CPED1: variants seen among roughly 807,000 people sequenced by gnomAD.
The protein encoded by CPED1 is cadherin-like and PC-esterase domain-containing protein 1.
CPED1 carries 114 observed loss-of-function variants against 128.2 expected under a neutral mutation model. That is an observed-to-expected ratio of 0.89 (90% CI 0.76 to 1.04). The LOEUF is 1.04. CPED1 is among the 50% of genes least tolerant of loss of function. The pLI, the probability that CPED1 is intolerant of heterozygous loss-of-function variation, is 0.00. For missense variants in CPED1, 1,211 were observed against 1,207.1 expected (o/e 1.00, Z -0.05); for synonymous variants, 462 against 426.7 (o/e 1.08, Z -1.02).
intron 18 of CPED1, among the ~76,000 whole-genome samples, chr7:121,247,039 A>G (rs1798556286): frequency 6.6e-6 from 1 of 152,230 alleles, no homozygotes; most frequent in South Asian, 2.1e-4. Flanking sequence ...TCCATTTTTA[A>G]CAGAGAAGTG....
intron 4 of CPED1, among the ~76,000 whole-genome samples, chr7:121,059,983 GCGGGAACC>G (rs1409040105): frequency 1.3e-5 from 2 of 152,216 alleles, no homozygotes; most frequent in Non-Finnish European, 2.9e-5. Flanking sequence ...AGAGGCGCGA[GCGGGAACC>G]CGGGCTGCGC....
intron 2 of CPED1, among the ~76,000 whole-genome samples, chr7:121,014,375 A>T (rs1792243370): frequency 6.6e-6 from 1 of 152,060 alleles, no homozygotes; most frequent in Admixed American, 6.6e-5. Flanking sequence ...ACAAGGTGAA[A>T]CCCCATCTCT....
intron 7 of CPED1, among the ~76,000 whole-genome samples, chr7:121,113,159 C>A (rs1186255839): frequency 5.3e-5 from 8 of 152,106 alleles, no homozygotes; most frequent in African/African-American, 1.9e-4. Flanking sequence ...CAAAACAACT[C>A]AAGGAAAAGC....
At chr7:121,067,447 CA>C (rs1177123795) in intron 5 of CPED1, among the ~76,000 whole-genome samples, 1 of 152,132 alleles carries the variant, frequency 6.6e-6, no homozygotes, top group African/African-American at 2.4e-5. Context: ...ATGAATTCAT[CA>C]TTTTTTATGG....
intron 16 of CPED1, among the ~76,000 whole-genome samples, chr7:121,154,444 T>C (rs1373763831): frequency 3.3e-5 from 5 of 152,176 alleles, no homozygotes; most frequent in Admixed American, 6.5e-5. Flanking sequence ...ATACATGGCC[T>C]TTATTTTTTT....
intron 5 of CPED1, among the ~76,000 whole-genome samples, chr7:121,080,311 G>A (rs1032652671): frequency 2.6e-5 from 4 of 152,082 alleles, no homozygotes; most frequent in African/African-American, 9.7e-5. Flanking sequence ...ACAATTGTTT[G>A]GATCTTCCTC....
intron 21 of CPED1, among the ~76,000 whole-genome samples, chr7:121,269,269 T>C (rs1347584819): frequency 6.6e-6 from 1 of 152,050 alleles, no homozygotes; most frequent in Non-Finnish European, 1.5e-5. Context: ...GATTTTCTGT[T>C]CCTGCATTAT....
At chr7:121,065,174 G>C (rs1477826547) in intron 5 of CPED1, among the ~76,000 whole-genome samples, 3 of 152,096 alleles carry the variant, frequency 2.0e-5, no homozygotes, top group Non-Finnish European at 4.4e-5. Flanking sequence ...ACACTGGCAT[G>C]TTCCACTGTA....
At chr7:121,249,722 G>A (rs1798624745) in intron 18 of CPED1, among the ~76,000 whole-genome samples, 1 of 151,868 alleles carries the variant, frequency 6.6e-6, no homozygotes, top group Non-Finnish European at 1.5e-5. Flanking sequence ...GCTACCACAA[G>A]AAGGCCATTA....
rs184392335 is a variant in CPED1 at position 121,018,526 on chromosome 7, T to A, written c.433+2678T>A. ...TTCTGCTGTTTACTAACCTGCAATT[T>A]GAAAATATTACATTAAAAACAAAAC... On this transcript the variant is annotated intron_variant, in intron 3 of 22. Coordinates refer to ENST00000310396, the MANE Select transcript of CPED1 (RefSeq NM_024913.5). Among the ~76,000 whole-genome samples, 14 of 152,216 alleles carry A rather than the reference T, an allele frequency of 9.2e-5. 1 individual carries two copies. In the South Asian group the frequency reaches 2.9e-3, roughly 32 times the overall value.
intron 16 of CPED1, among the ~76,000 whole-genome samples, chr7:121,207,912 C>T (rs1797556813): frequency 6.6e-6 from 1 of 151,986 alleles, no homozygotes; most frequent in South Asian, 2.1e-4. Flanking sequence ...CCCTCTACTT[C>T]AGTGCTCATA....
At chr7:121,140,797 T>G (rs1795884209) in intron 14 of CPED1, 30 bp from the exon 15 acceptor site, 2 of 1,524,060 alleles carry the variant, frequency 1.3e-6, no homozygotes, top group Non-Finnish European at 1.8e-6. Context: ...TTCACAGTTG[T>G]CTTTGTCATT....
At chr7:121,151,451 G>A (rs1796156392) in intron 16 of CPED1, among the ~76,000 whole-genome samples, 1 of 152,142 alleles carries the variant, frequency 6.6e-6, no homozygotes, top group Admixed American at 6.5e-5. Context: ...TATACACATT[G>A]TTTCATTTGT....
intron 2 of CPED1, among the ~76,000 whole-genome samples, chr7:120,997,853 C>T (rs914428457): frequency 2.6e-5 from 4 of 151,268 alleles, no homozygotes; most frequent in Non-Finnish European, 5.9e-5. Context: ...ACCCAGGAGG[C>T]AGAGGTTGCA....
At chr7:121,041,011 T>A (rs1328632001) in intron 3 of CPED1, among the ~76,000 whole-genome samples, 1 of 152,142 alleles carries the variant, frequency 6.6e-6, no homozygotes, top group African/African-American at 2.4e-5. Flanking sequence ...TTGTATAATT[T>A]AAGCACAATG....
intron 16 of CPED1, among the ~76,000 whole-genome samples, chr7:121,213,265 T>C (rs1003591465): frequency 5.9e-5 from 9 of 152,032 alleles, no homozygotes; most frequent in Non-Finnish European, 1.3e-4. Flanking sequence ...GTTCCATTTA[T>C]TAAGCTGTGT....
intron 4 of CPED1, among the ~76,000 whole-genome samples, chr7:121,047,395 A>T (rs972571997): frequency 2.0e-5 from 3 of 152,174 alleles, no homozygotes; most frequent in African/African-American, 4.8e-5. Flanking sequence ...TTACATTTTA[A>T]AATTGACATT....
chr7:121,105,510 G>T (rs889251731), intron 7 of CPED1, among the ~76,000 whole-genome samples: 5 of 152,086 alleles, frequency 3.3e-5, no homozygotes, highest in African/African-American at 1.2e-4. Context: ...TATGTCAGCT[G>T]TAGAAAGAAT....
intron 5 of CPED1, among the ~76,000 whole-genome samples, chr7:121,079,073 G>A (rs1017221508): frequency 1.3e-5 from 2 of 152,120 alleles, no homozygotes; most frequent in African/African-American, 4.8e-5. Flanking sequence ...GCACACTCAA[G>A]TGATTTCATT....
Sources: allele counts gnomAD v4.1 joint callset (sites outside exome capture counted in the v4.1 genomes callset), GRCh38; gene constraint gnomAD v4.1.1; transcripts MANE v1.5; gene names NCBI Gene and HGNC (gene_info 2026-07-23, HGNC 2026-07-21).